Variants in AKAP13 observed in about 807,000 individuals in gnomAD.
The protein encoded by AKAP13 is A-kinase anchor protein 13.
Under a neutral mutation model 264.5 loss-of-function variants are expected in AKAP13, and 80 were observed. That is an observed-to-expected ratio of 0.30 (90% confidence interval 0.25 to 0.36). AKAP13 has a LOEUF of 0.36. Among genes scored for constraint, AKAP13 ranks in the 10% least tolerant of loss-of-function variants. The pLI, the probability that AKAP13 is intolerant of heterozygous loss-of-function variation, is 1.00. For missense variants in AKAP13, 3,712 were observed against 3,435.2 expected, an observed-to-expected ratio of 1.08 and a Z score of -2.01; for synonymous variants, 1,380 against 1,250.2, an observed-to-expected ratio of 1.10 and a Z score of -2.19.
intron 1 of AKAP13, among the ~76,000 whole-genome samples, chr15:85,442,807 G>C (rs1177202719): frequency 1.3e-5 from 2 of 151,764 alleles, no homozygotes; most frequent in Non-Finnish European, 2.9e-5. Flanking sequence ...ATCTACTGAA[G>C]GATTCAGGCC....
rs1263279556 is a variant in AKAP13, at chr15:85,505,763, GA to G, written c.34-15664del. On this transcript the variant is annotated intron_variant, in intron 2 of 36. Transcript: ENST00000394518. ...AATGCGTTTTATTTTGAGGGATGTG[GA>G]TACTATCTTAGTATTTTCCTGCTGA... 1.1e-3 allele frequency among the ~76,000 whole-genome samples: 167 copies of G among 152,204 alleles called. 1 individual carries two copies. Among genetic ancestry groups the G allele is most frequent in the African/African-American group, 3.9e-3 (163 of 41,526 alleles).
intron 10 of AKAP13, among the ~76,000 whole-genome samples, chr15:85,653,266 T>TC (rs1438417942): frequency 6.6e-6 from 1 of 152,222 alleles, no homozygotes; most frequent in East Asian, 1.9e-4. Flanking sequence ...ATCTTGTTCT[T>TC]ACAGGGTTTT....
intron 5 of AKAP13, among the ~76,000 whole-genome samples, chr15:85,562,574 A>AAAAAATAT (rs1351834745): frequency 1.4e-4 from 11 of 77,682 alleles, no homozygotes; most frequent in African/African-American, 4.4e-4. Context: ...CAAAAAAAAA[A>AAAAAATAT]ATATATATAT....
intron 4 of AKAP13, 29 bp from the exon 5 acceptor site, chr15:85,543,743 C>G (rs534128976): frequency 1.1e-4 from 177 of 1,572,546 alleles, no homozygotes; most frequent in Non-Finnish European, 2.6e-6. Context: ...ATTTTCCTCA[C>G]TTACGTTCAT....
chr15:85,669,916 C>T, intron 14 of AKAP13, 86 bp downstream of exon 14: 1 of 949,728 alleles, frequency 1.1e-6, no homozygotes, highest in Non-Finnish European at 1.5e-6. Flanking sequence ...GGCCCCATAA[C>T]ATTACCTGCC....
intron 5 of AKAP13, among the ~76,000 whole-genome samples, chr15:85,551,922 G>A (rs2077973701): frequency 6.6e-6 from 1 of 152,192 alleles, no homozygotes; most frequent in Non-Finnish European, 1.5e-5. Flanking sequence ...CATACCAATA[G>A]AAAGAATGAC....
intron 2 of AKAP13, among the ~76,000 whole-genome samples, chr15:85,488,855 A>T (rs1415438597): frequency 6.6e-6 from 1 of 152,258 alleles, no homozygotes; most frequent in Non-Finnish European, 1.5e-5. Context: ...ACTTCCAGAA[A>T]TGATATATGA....
chr15:85,722,781 T>C (rs976194849), intron 25 of AKAP13, among the ~76,000 whole-genome samples: 8 of 152,022 alleles, frequency 5.3e-5, no homozygotes, highest in Admixed American at 5.2e-4. Context: ...AAAAAAAAAC[T>C]TGGTTGCTCT....
At chr15:85,654,170 T>A (rs1004665671) in intron 10 of AKAP13, among the ~76,000 whole-genome samples, 1 of 152,212 alleles carries the variant, frequency 6.6e-6, no homozygotes, top group Non-Finnish European at 1.5e-5. Context: ...TTTGGCCTCA[T>A]AATACTCAGC....
intron 1 of AKAP13, among the ~76,000 whole-genome samples, chr15:85,439,765 A>G (rs1006630552): frequency 1.4e-5 from 2 of 141,662 alleles, no homozygotes; most frequent in Non-Finnish European, 3.0e-5. Context: ...GTGGGAATTG[A>G]ACAGTGAGAT....
chr15:85,687,136 A>G (rs989004564), intron 16 of AKAP13, among the ~76,000 whole-genome samples: 2 of 152,158 alleles, frequency 1.3e-5, no homozygotes, highest in Non-Finnish European at 2.9e-5. Flanking sequence ...CTGGACCCTG[A>G]CCTTTAAAAA....
intron 1 of AKAP13, among the ~76,000 whole-genome samples, chr15:85,410,892 T>C (rs1013921877): frequency 6.6e-6 from 1 of 151,754 alleles, no homozygotes; most frequent in Non-Finnish European, 1.5e-5. Context: ...TTTTTGTGTG[T>C]TTTTAAGAAA....
chr15:85,581,746 C>G lies in AKAP13; in HGVS notation c.3678C>G (p.Ser1226Arg). ...MRAPPSGRER[S>R]TPSLPCMVSA... is the part of the protein sequence containing the mutation. ...CCCCGCCTTCAGGCAGGGAAAGGAG[C>G]ACTCCCTCTCTACCTTGCATGGTCT... Residue 1226 changes from serine to arginine, a missense_variant, in exon 7 of 37, where the codon AGC becomes AGG. Transcript: ENST00000394518. 6.2e-7 allele frequency: 1 copy of G among 1,614,176 alleles called. No homozygotes were observed. The highest frequency in any genetic ancestry group is 1.1e-5 in the South Asian group (1 of 91,088).
rs192477781 is a variant in AKAP13 at position 85,690,777 on chromosome 15, G to A, written c.5290-2500G>A. ...AACCTCTCCAGTCCCTGGCAGCATA[G>A]TGCAGTGTATGAGAGCTGAGCTTTA... On this transcript the variant is annotated intron_variant, in intron 16 of 36. Coordinates refer to ENST00000394518, the MANE Select transcript of AKAP13 (RefSeq NM_007200.5). 2.0e-5 allele frequency among the ~76,000 whole-genome samples: 3 copies of A among 152,324 alleles called. No individual in the cohort carries two copies. The East Asian group carries it at 5.8e-4, about 29-fold the overall frequency.
intron 16 of AKAP13, among the ~76,000 whole-genome samples, chr15:85,692,442 A>G (rs558474525): frequency 6.6e-6 from 1 of 152,124 alleles, no homozygotes; most frequent in Non-Finnish European, 1.5e-5. Context: ...GGCTCAGAGA[A>G]ATAATTTACC....
At chr15:85,496,975 G>A (rs76420222) in intron 2 of AKAP13, among the ~76,000 whole-genome samples, 3 of 152,132 alleles carry the variant, frequency 2.0e-5, no homozygotes, top group Admixed American at 1.3e-4. Flanking sequence ...CTTTTCATTT[G>A]TAAGTAGTAT....
At chr15:85,407,287 G>A (rs1339526162) in intron 1 of AKAP13, among the ~76,000 whole-genome samples, 2 of 148,470 alleles carry the variant, frequency 1.3e-5, no homozygotes, top group Non-Finnish European at 3.0e-5. Context: ...GAATGCAGTG[G>A]TGCGATCTGG....
rs553810111 is a variant in AKAP13, at chr15:85,748,963, T to G, written c.*4286T>G. 6.6e-6 allele frequency: 1 copy of G among 152,360 alleles called. No homozygotes were observed. Among genetic ancestry groups the G allele is most frequent in the African/African-American group, 2.4e-5 (1 of 41,480 alleles). The allele number at this position is 152,360 out of a possible 1,614,324, so 9.4% of individuals were successfully genotyped here. On this transcript the variant is annotated 3_prime_UTR_variant, in exon 37 of 37. Coordinates refer to ENST00000394518, the MANE Select transcript of AKAP13 (RefSeq NM_007200.5). ...GGCCATGGGGCGTGCCTGGTGAGTC[T>G]GCCTGTGGTTCAGGCTTAGCCTGTG...
chr15:85,726,383 T>C (rs542017790), intron 26 of AKAP13, 27 bp from the exon 27 acceptor site: 1 of 1,594,148 alleles, frequency 6.3e-7, no homozygotes. Context: ...TCGTTTTATC[T>C]TCCCTTCTCC....
Sources: allele counts gnomAD v4.1 joint callset (sites outside exome capture counted in the v4.1 genomes callset), GRCh38; gene constraint gnomAD v4.1.1; transcripts MANE v1.5; gene names NCBI Gene and HGNC (gene_info 2026-07-23, HGNC 2026-07-21).